Variants in MET observed in about 807,000 individuals in gnomAD.
MET encodes hepatocyte growth factor receptor.
Under a neutral mutation model 133.1 loss-of-function variants are expected in MET, and 48 were observed. The ratio of observed to expected loss-of-function variants is 0.36; its 90% CI spans 0.29 to 0.46. The LOEUF is 0.46. Ranked by LOEUF, MET falls within the 20% of genes least tolerant of loss-of-function variation. The probability of loss-of-function intolerance (pLI) is 1.00; values close to 1 mark genes in which losing one functional copy is unlikely to be tolerated. For synonymous variants in MET, 628 were observed against 616.5 expected (o/e 1.02, Z -0.28); for missense variants, 1,442 against 1,695.9 (o/e 0.85, Z 2.63).
At chr7:116,716,467 GAGAAAGAAAGAAAGAAAGAA>G (rs531059164) in intron 2 of MET, among the ~76,000 whole-genome samples, 1,898 of 108,250 alleles carry the variant, frequency 0.018, 22 homozygotes, top group African/African-American at 0.03. Context: ...AAGAAAGAAA[GAGAAAGAAAGAAAGAAAGAA>G]AGAAAGAAAG....
At chr7:116,762,242 T>A (rs1395517273) in intron 10 of MET, among the ~76,000 whole-genome samples, 1 of 152,136 alleles carries the variant, frequency 6.6e-6, no homozygotes, top group Non-Finnish European at 1.5e-5. Context: ...AAAGATAGCA[T>A]GGGAGTGAAG....
chr7:116,703,108 T>C (rs1269535609), intron 2 of MET, among the ~76,000 whole-genome samples: 3 of 152,186 alleles, frequency 2.0e-5, no homozygotes, highest in African/African-American at 4.8e-5. Context: ...CATAAGCTAT[T>C]TGTGCTTCAG....
chr7:116,757,410 G>C (rs2116919271), intron 6 of MET, 27 bp from the exon 7 acceptor site: 1 of 1,578,942 alleles, frequency 6.3e-7, no homozygotes, highest in African/African-American at 1.3e-5. Context: ...GATTTGTCAT[G>C]TATTAAACTT....
intron 3 of MET, among the ~76,000 whole-genome samples, chr7:116,734,357 CTG>C (rs1173357280): frequency 6.6e-6 from 1 of 152,226 alleles, no homozygotes; most frequent in Non-Finnish European, 1.5e-5. Context: ...GCAGCTGTTT[CTG>C]TCTTTCCTAT....
intron 1 of MET, among the ~76,000 whole-genome samples, chr7:116,682,911 TCCATGTCAC>T (rs1796414531): frequency 6.6e-6 from 1 of 152,170 alleles, no homozygotes. Flanking sequence ...CCCAGTTGTT[TCCATGTCAC>T]CCATTATTAC....
chr7:116,772,027 A>G (rs1428089393), intron 14 of MET, 38 bp downstream of exon 14: 8 of 1,607,272 alleles, frequency 5.0e-6, no homozygotes, highest in African/African-American at 2.7e-5. Context: ...ATACCTATAC[A>G]TATACCTCAG....
At chr7:116,720,493 A>T (rs1792438238) in intron 2 of MET, among the ~76,000 whole-genome samples, 1 of 130,462 alleles carries the variant, frequency 7.7e-6, no homozygotes, top group South Asian at 2.7e-4. Context: ...CTCCTGCCTG[A>T]TTGCCCTGGC....
chr7:116,764,366 G>A (rs1794530717), intron 11 of MET, among the ~76,000 whole-genome samples: 1 of 151,920 alleles, frequency 6.6e-6, no homozygotes, highest in Admixed American at 6.6e-5. Flanking sequence ...TTTAGAAAGG[G>A]AGAAATAAGC....
intron 12 of MET, 133 bp from the exon 13 acceptor site, chr7:116,771,365 A>G (rs966413887): frequency 3.7e-5 from 37 of 989,580 alleles, no homozygotes; most frequent in Non-Finnish European, 5.1e-5. Flanking sequence ...ATCTCTTATT[A>G]TCCTGAAGGC....
intron 2 of MET, among the ~76,000 whole-genome samples, chr7:116,713,380 G>A (rs1763614466): frequency 6.7e-6 from 1 of 149,920 alleles, no homozygotes; most frequent in Non-Finnish European, 1.5e-5. Context: ...GGGCGACAGA[G>A]CGAGACTCCG....
At chr7:116,690,776 G>A (rs76256933) in intron 1 of MET, among the ~76,000 whole-genome samples, 208 of 152,152 alleles carry the variant, frequency 1.4e-3, no homozygotes, top group African/African-American at 4.9e-3. Flanking sequence ...TCAAATCCAC[G>A]GACTGTACAC....
chr7:116,784,327 A>T (rs1270409168), intron 19 of MET, among the ~76,000 whole-genome samples: 1 of 152,218 alleles, frequency 6.6e-6, no homozygotes, highest in African/African-American at 2.4e-5. Flanking sequence ...ACAAAAAAGT[A>T]ATCAGATTAG....
intron 5 of MET, among the ~76,000 whole-genome samples, chr7:116,746,629 A>C (rs931042367): frequency 5.9e-5 from 9 of 152,226 alleles, no homozygotes; most frequent in African/African-American, 1.9e-4. Context: ...TGTCCTTTGT[A>C]GGGACATGGA....
At chr7:116,693,478 C>G (rs1796845850) in intron 1 of MET, among the ~76,000 whole-genome samples, 1 of 152,168 alleles carries the variant, frequency 6.6e-6, no homozygotes, top group Non-Finnish European at 1.5e-5. Context: ...AGCAGTTGAC[C>G]TCAGAGGAGT....
At chr7:116,698,080 T>C (rs1339431244) in intron 1 of MET, among the ~76,000 whole-genome samples, 2 of 152,120 alleles carry the variant, frequency 1.3e-5, no homozygotes, top group African/African-American at 4.8e-5. Flanking sequence ...AATTATGCTA[T>C]TTAAAAAAAA....
chr7:116,705,280 T>C (rs1251746339), intron 2 of MET, among the ~76,000 whole-genome samples: 1 of 152,072 alleles, frequency 6.6e-6, no homozygotes, highest in African/African-American at 2.4e-5. Flanking sequence ...CCTCAGGGCA[T>C]GTCTCGTAAT....
intron 11 of MET, among the ~76,000 whole-genome samples, chr7:116,769,392 A>G (rs1201573173): frequency 6.6e-6 from 1 of 152,114 alleles, no homozygotes; most frequent in African/African-American, 2.4e-5. Flanking sequence ...TGAAGCAAGA[A>G]CCTCTTTCCT....
intron 10 of MET, among the ~76,000 whole-genome samples, chr7:116,761,029 TTATC>T (rs1179552467): frequency 6.6e-6 from 1 of 152,210 alleles, no homozygotes; most frequent in African/African-American, 2.4e-5. Flanking sequence ...AATTATTAGT[TTATC>T]TAATTAATGC....
At chr7:116,699,044 G>A (rs1797062137) in intron 1 of MET, 27 bp from the exon 2 acceptor site, 1 of 1,613,324 alleles carries the variant, frequency 6.2e-7, no homozygotes, top group East Asian at 2.2e-5. Context: ...CAACTGAACT[G>A]CTCTCGCCTT....
Sources: gnomAD v4.1 joint callset for allele counts (sites outside exome capture counted in the v4.1 genomes callset) on GRCh38, gnomAD v4.1.1 for gene constraint, MANE v1.5 for transcripts, NCBI Gene and HGNC (gene_info 2026-07-23, HGNC 2026-07-21) for gene names.